Variants in FNDC3B observed in about 807,000 individuals in gnomAD.
The protein encoded by FNDC3B is fibronectin type III domain-containing protein 3B.
Under a neutral mutation model 151.5 loss-of-function variants are expected in FNDC3B, and 12 were observed. That is an observed-to-expected ratio of 0.08 (90% CI 0.05 to 0.13). The LOEUF (loss-of-function observed/expected upper bound fraction) is 0.13, where lower values mean the gene tolerates loss of function less well. Ranked by LOEUF, FNDC3B falls within the 10% of genes least tolerant of loss-of-function variation. FNDC3B has a pLI of 1.00. For missense variants in FNDC3B, 1,214 were observed against 1,505.3 expected (o/e 0.81, Z 3.20); for synonymous variants, 528 against 549.0 (o/e 0.96, Z 0.54).
At chr3:172,142,022 T>C (rs1269656799) in intron 3 of FNDC3B, among the ~76,000 whole-genome samples, 2 of 152,204 alleles carry the variant, frequency 1.3e-5, no homozygotes, top group Non-Finnish European at 2.9e-5. Context: ...ATTGTAAAAT[T>C]AGTTCCTTAA....
At chr3:172,289,916 G>T (rs1730233956) in intron 7 of FNDC3B, among the ~76,000 whole-genome samples, 1 of 152,206 alleles carries the variant, frequency 6.6e-6, no homozygotes, top group Non-Finnish European at 1.5e-5. Context: ...TTGAAAGGTA[G>T]GATAAGAAAT....
At chr3:172,195,771 C>T (rs2108680483) in intron 3 of FNDC3B, among the ~76,000 whole-genome samples, 1 of 152,270 alleles carries the variant, frequency 6.6e-6, no homozygotes, top group South Asian at 2.1e-4. Context: ...TTCAATTACA[C>T]AGGAGTGGGC....
chr3:172,188,836 C>A (rs1180122034), intron 3 of FNDC3B, among the ~76,000 whole-genome samples: 1 of 152,224 alleles, frequency 6.6e-6, no homozygotes, highest in African/African-American at 2.4e-5. Context: ...GTGAAACTCT[C>A]AATCAGACCC....
At chr3:172,137,580 C>G (rs573651678) in intron 3 of FNDC3B, among the ~76,000 whole-genome samples, 1 of 152,146 alleles carries the variant, frequency 6.6e-6, no homozygotes, top group East Asian at 1.9e-4. Context: ...CACTTGAGCA[C>G]AGGAGTTTGA....
intron 11 of FNDC3B, among the ~76,000 whole-genome samples, chr3:172,319,756 C>T (rs1451738885): frequency 6.6e-6 from 1 of 152,130 alleles, no homozygotes; most frequent in Non-Finnish European, 1.5e-5. Flanking sequence ...TTTCTGAAGC[C>T]AACATTGGTC....
Position 172,329,092 on chromosome 3 carries a change from G to A in FNDC3B, c.1379+16G>A. On this transcript the variant is annotated intron_variant, in intron 12 of 25. Coordinates refer to ENST00000415807, the MANE Select transcript of FNDC3B (RefSeq NM_022763.4). ...TTGGTACCAGGTATGACGTTTCCTT[G>A]TCCTCTTGCCCTTCAGCCTTTGGAT... The A allele has an allele frequency of 6.2e-7, 1 of 1,602,042 alleles. No individual in the cohort carries two copies. Among genetic ancestry groups the A allele is most frequent in the Non-Finnish European group, 8.5e-7 (1 of 1,172,168 alleles).
chr3:172,178,667 G>T (rs1029535544), intron 3 of FNDC3B, among the ~76,000 whole-genome samples: 2 of 152,304 alleles, frequency 1.3e-5, no homozygotes, highest in South Asian at 4.1e-4. Context: ...GCATCCCTGG[G>T]ACCCCACATT....
At chr3:172,110,944 T>A (rs1719928834) in intron 1 of FNDC3B, among the ~76,000 whole-genome samples, 1 of 151,810 alleles carries the variant, frequency 6.6e-6, no homozygotes, top group African/African-American at 2.4e-5. Flanking sequence ...ACTAAAAATA[T>A]GAAAATTAGG....
intron 3 of FNDC3B, among the ~76,000 whole-genome samples, chr3:172,142,406 T>G (rs990519742): frequency 2.7e-4 from 41 of 152,230 alleles, no homozygotes; most frequent in African/African-American, 9.4e-4. Flanking sequence ...AAACAATGAT[T>G]AAAATGTCAT....
intron 6 of FNDC3B, among the ~76,000 whole-genome samples, chr3:172,283,671 G>T (rs1331559899): frequency 6.6e-6 from 1 of 152,148 alleles, no homozygotes; most frequent in Non-Finnish European, 1.5e-5. Flanking sequence ...CAGAAATTGA[G>T]AACATTTTGT....
At chr3:172,294,372 A>C (rs1307423242) in intron 7 of FNDC3B, among the ~76,000 whole-genome samples, 1 of 152,156 alleles carries the variant, frequency 6.6e-6, no homozygotes, top group Non-Finnish European at 1.5e-5. Context: ...GCCTCAGGAG[A>C]CTTACAATCA....
At chr3:172,073,880 A>AG (rs999642066) in intron 1 of FNDC3B, among the ~76,000 whole-genome samples, 2 of 152,126 alleles carry the variant, frequency 1.3e-5, no homozygotes, top group Admixed American at 6.6e-5. Context: ...CAAAAAAAAA[A>AG]AAAGTAACAC....
intron 10 of FNDC3B, among the ~76,000 whole-genome samples, chr3:172,308,766 T>C (rs1731316317): frequency 6.6e-6 from 1 of 152,232 alleles, no homozygotes; most frequent in Non-Finnish European, 1.5e-5. Flanking sequence ...CCCCACCTTT[T>C]CAGAGTTTTA....
intron 1 of FNDC3B, among the ~76,000 whole-genome samples, chr3:172,099,043 C>G (rs573215557): frequency 2.1e-4 from 32 of 152,144 alleles, no homozygotes; most frequent in Non-Finnish European, 3.2e-4. Context: ...CAAACGCCTT[C>G]GCAAAGAAAG....
At chr3:172,336,688 G>T (rs1478690779) in intron 15 of FNDC3B, among the ~76,000 whole-genome samples, 5 of 151,988 alleles carry the variant, frequency 3.3e-5, no homozygotes. Flanking sequence ...ATCACCTGAG[G>T]TCTGGAGTTC....
rs770848882 is a variant in FNDC3B at position 172,347,329 on chromosome 3, T to G, written c.2482T>G (p.Leu828Val). Residue 828 changes from leucine to valine, a missense_variant, in exon 21 of 26, where the codon TTG becomes GTG. Leu to Val is a conservative substitution (Grantham distance 32). Transcript: ENST00000415807. ...TDTRFEIRDL[L>V]PAAQYCCRLQ... Reference sequence around the variant, plus strand: ...CACCCGTTTTGAAATAAGAGACCTGTTGCCTGCTGCACAGTATTGCTGTAG... The same window carrying G: ...CACCCGTTTTGAAATAAGAGACCTGGTGCCTGCTGCACAGTATTGCTGTAG... The G allele has an allele frequency of 6.2e-7, 1 of 1,614,126 alleles. No individual in the cohort carries two copies. The highest frequency in any genetic ancestry group is 1.1e-5 in the South Asian group (1 of 91,084).
chr3:172,177,353 T>A (rs1036797079), intron 3 of FNDC3B, among the ~76,000 whole-genome samples: 6 of 152,310 alleles, frequency 3.9e-5, no homozygotes, highest in African/African-American at 1.4e-4. Context: ...TTTTACCCAT[T>A]ACGTTAGAGC....
At chr3:172,153,332 G>A (rs1722326313) in intron 3 of FNDC3B, among the ~76,000 whole-genome samples, 1 of 152,228 alleles carries the variant, frequency 6.6e-6, no homozygotes, top group Non-Finnish European at 1.5e-5. Context: ...TGTTGCTGTA[G>A]TGCTCAGAGG....
chr3:172,393,779 AT>A (rs1267482816), intron 25 of FNDC3B, among the ~76,000 whole-genome samples: 6 of 152,160 alleles, frequency 3.9e-5, no homozygotes, highest in Non-Finnish European at 7.4e-5. Flanking sequence ...AAATTAAAAA[AT>A]ATTTTGAGGC....
Sources: gnomAD v4.1 joint callset for allele counts (sites outside exome capture counted in the v4.1 genomes callset) on GRCh38, gnomAD v4.1.1 for gene constraint, MANE v1.5 for transcripts, NCBI Gene and HGNC (gene_info 2026-07-23, HGNC 2026-07-21) for gene names.